The following CTNNA2 variants were observed in gnomAD, a reference collection of about 807,000 sequenced individuals.
CTNNA2 encodes catenin alpha 2, also known as catenin alpha-2.
Under a neutral mutation model 101.0 loss-of-function variants are expected in CTNNA2, and 42 were observed. That is an observed-to-expected ratio of 0.42 (90% CI 0.32 to 0.54). CTNNA2 has a LOEUF of 0.54. Among genes scored for constraint, CTNNA2 ranks in the 20% least tolerant of loss-of-function variants. The pLI is 0.14. For synonymous variants in CTNNA2, 450 were observed against 456.4 expected, an observed-to-expected ratio of 0.99 and a Z score of 0.18; for missense variants, 871 against 1,223.1, an observed-to-expected ratio of 0.71 and a Z score of 4.29.
At chr2:80,148,759 A>G (rs945211050) in intron 7 of CTNNA2, among the ~76,000 whole-genome samples, 45 of 152,176 alleles carry the variant, frequency 3.0e-4, no homozygotes, top group African/African-American at 1.0e-3. Context: ...CTTCAAAATA[A>G]AACCAAACTC....
chr2:80,081,325 C>A lies in CTNNA2; in HGVS notation c.1056+171528C>A, dbSNP rs1477452871. 2.0e-5 allele frequency among the ~76,000 whole-genome samples: 3 copies of A among 151,464 alleles called. No homozygotes were observed. The East Asian group carries it at 5.8e-4, about 29-fold the overall frequency. On this transcript the variant is annotated intron_variant, in intron 7 of 18. Coordinates refer to ENST00000402739, the MANE Select transcript of CTNNA2 (RefSeq NM_001282597.3). ...ATTGGGGTATAAAACTGTCAATTCC[C>A]AGCAGCTCATAAACTAATGAATTTA...
chr2:80,006,701 G>C (rs913859460), intron 7 of CTNNA2, among the ~76,000 whole-genome samples: 26 of 152,166 alleles, frequency 1.7e-4, no homozygotes, highest in African/African-American at 6.3e-4. Context: ...TGGATGCTGA[G>C]GCTGGGTTAG....
At chr2:79,637,134 G>A (rs1048612945) in intron 1 of CTNNA2, among the ~76,000 whole-genome samples, 1 of 152,172 alleles carries the variant, frequency 6.6e-6, no homozygotes, top group Non-Finnish European at 1.5e-5. Flanking sequence ...GGCTGTGAAG[G>A]AGAAGGGAAG....
intron 4 of CTNNA2, among the ~76,000 whole-genome samples, chr2:79,461,032 A>G (rs761116854): frequency 2.6e-5 from 4 of 152,026 alleles, no homozygotes; most frequent in African/African-American, 4.8e-5. Context: ...AGTAGAGACG[A>G]GATTTCACTA....
chr2:80,334,006 C>T (rs188641854), intron 7 of CTNNA2, among the ~76,000 whole-genome samples: 109 of 152,342 alleles, frequency 7.2e-4, no homozygotes, highest in African/African-American at 2.3e-3. Flanking sequence ...GTCAAAGGCA[C>T]TCTCCAGGGT....
chr2:80,504,388 G>T (rs1688110894), intron 9 of CTNNA2, among the ~76,000 whole-genome samples: 1 of 152,070 alleles, frequency 6.6e-6, no homozygotes. Flanking sequence ...AGATAAGGCT[G>T]GGCTCTCCCA....
intron 2 of CTNNA2, among the ~76,000 whole-genome samples, chr2:79,719,156 C>T (rs1686310630): frequency 6.6e-6 from 1 of 152,068 alleles, no homozygotes; most frequent in African/African-American, 2.4e-5. Context: ...GGTTAATTCA[C>T]TTAAGATTAT....
At chr2:80,100,796 C>A (rs538575028) in intron 7 of CTNNA2, among the ~76,000 whole-genome samples, 2 of 152,348 alleles carry the variant, frequency 1.3e-5, no homozygotes, top group African/African-American at 4.8e-5. Flanking sequence ...CTCTCATCAA[C>A]ATTGGTGGAA....
intron 7 of CTNNA2, among the ~76,000 whole-genome samples, chr2:80,147,875 A>G (rs1703447979): frequency 6.6e-6 from 1 of 152,092 alleles, no homozygotes; most frequent in South Asian, 2.1e-4. Context: ...TGCTCCTGAC[A>G]GAGTGGTTTT....
intron 3 of CTNNA2, among the ~76,000 whole-genome samples, chr2:79,844,892 G>A (rs1680088155): frequency 6.6e-6 from 1 of 151,678 alleles, no homozygotes; most frequent in South Asian, 2.1e-4. Flanking sequence ...TGTGGGCTGG[G>A]GAGTGGGCTG....
At chr2:80,195,427 A>ATAT (rs1214987781) in intron 7 of CTNNA2, among the ~76,000 whole-genome samples, 6 of 152,180 alleles carry the variant, frequency 3.9e-5, no homozygotes, top group Non-Finnish European at 8.8e-5. Flanking sequence ...CATATTTGAA[A>ATAT]GGTAAAATAA....
At chr2:80,112,076 A>G (rs182322538) in intron 7 of CTNNA2, among the ~76,000 whole-genome samples, 198 of 152,312 alleles carry the variant, frequency 1.3e-3, no homozygotes, top group African/African-American at 4.6e-3. Context: ...TAAACTGTTT[A>G]TAACAAGAAA....
intron 7 of CTNNA2, among the ~76,000 whole-genome samples, chr2:80,360,847 G>A (rs539962484): frequency 5.3e-5 from 8 of 152,100 alleles, no homozygotes; most frequent in South Asian, 2.1e-4. Flanking sequence ...GGAGTTTGTC[G>A]CTCTAAACCA....
At chr2:79,673,325 C>G (rs546842207) in intron 2 of CTNNA2, among the ~76,000 whole-genome samples, 65 of 152,078 alleles carry the variant, frequency 4.3e-4, no homozygotes, top group Non-Finnish European at 7.2e-4. Flanking sequence ...GGTGAAAACA[C>G]TGATATATTA....
chr2:79,215,149 G>A (rs1173144515), intron 2 of CTNNA2, among the ~76,000 whole-genome samples: 6 of 152,186 alleles, frequency 3.9e-5, no homozygotes, highest in Non-Finnish European at 8.8e-5. Flanking sequence ...CAGGGGCTCT[G>A]GGAGTGGCTG....
At chr2:80,628,629 T>C (rs906255504) in intron 18 of CTNNA2, among the ~76,000 whole-genome samples, 3 of 152,086 alleles carry the variant, frequency 2.0e-5, no homozygotes, top group African/African-American at 7.2e-5. Flanking sequence ...AACTCAATAC[T>C]CATATTTAGT....
chr2:80,229,340 C>A (rs1709062999), intron 7 of CTNNA2, among the ~76,000 whole-genome samples: 1 of 152,210 alleles, frequency 6.6e-6, no homozygotes, highest in African/African-American at 2.4e-5. Flanking sequence ...GATGCCAGTT[C>A]CAAGTCCAGT....
intron 6 of CTNNA2, among the ~76,000 whole-genome samples, chr2:79,890,013 A>G (rs184402559): frequency 1.3e-5 from 2 of 152,306 alleles, no homozygotes; most frequent in East Asian, 3.9e-4. Flanking sequence ...CGTGAGACCT[A>G]ACAAGTCCAG....
intron 8 of CTNNA2, among the ~76,000 whole-genome samples, chr2:80,413,253 G>T (rs529411348): frequency 1.3e-5 from 2 of 152,154 alleles, no homozygotes; most frequent in Non-Finnish European, 2.9e-5. Context: ...GGTGGACAAT[G>T]AATGAGATGG....
Sources: gnomAD v4.1 joint callset for allele counts (sites outside exome capture counted in the v4.1 genomes callset) on GRCh38, gnomAD v4.1.1 for gene constraint, MANE v1.5 for transcripts, NCBI Gene and HGNC (gene_info 2026-07-23, HGNC 2026-07-21) for gene names.